NKX6-2: variants seen among roughly 807,000 people sequenced by gnomAD.
The protein encoded by NKX6-2 is NK6 homeobox 2, also known as homeobox protein Nkx-6.2.
Under a neutral mutation model 19.9 loss-of-function variants are expected in NKX6-2, and 22 were observed. The observed-to-expected ratio is 1.10, with a 90% confidence interval of 0.79 to 1.58. NKX6-2 has a LOEUF of 1.58. Among genes scored for constraint, NKX6-2 ranks in the 40% most tolerant of loss-of-function variants. The pLI is 0.00. For missense variants in NKX6-2, 475 were observed against 410.6 expected (o/e 1.16, Z -1.35); for synonymous variants, 257 against 204.0 (o/e 1.26, Z -2.21).
In NKX6-2 at chr10:132,785,358, G is replaced by C. The variant is rs1375888398; in HGVS notation, c.501C>G (p.Phe167Leu). The change falls in exon 2 of 3, where the codon TTC becomes TTG. Residue 167 changes from phenylalanine (F) to leucine (L), a missense_variant. By Grantham distance (22) the Phe-to-Leu change is conservative (BLOSUM62 0). Transcript: ENST00000368592. The surrounding 1 kb of genome is among the most constrained non-coding windows in gnomAD (Gnocchi z 5.5). The part of the protein sequence containing the change: ...GQQIFALEKT[F>L]EQTKYLAGPE... Reference sequence around the variant, plus strand: ...GGCCCGCCAGGTACTTGGTCTGCTCGAAGGTTTTCTCCAGCGCGAAGATCT... The same window carrying C: ...GGCCCGCCAGGTACTTGGTCTGCTCCAAGGTTTTCTCCAGCGCGAAGATCT... 1.2e-6 allele frequency: 2 copies of C among 1,606,112 alleles called. No homozygotes were observed. Among genetic ancestry groups the C allele is most frequent in the Admixed American group, 1.7e-5 (1 of 59,620 alleles).
In NKX6-2 at chr10:132,785,257, C is replaced by A; in HGVS notation, c.579+23G>T. On this transcript the variant is annotated intron_variant, in intron 2 of 2. Coordinates refer to ENST00000368592, the MANE Select transcript of NKX6-2 (RefSeq NM_177400.3). This position sits in a 1 kb window ranked among gnomAD's most constrained non-coding sequence, Gnocchi z 5.5. ...CAGGACGCGGGCCCCCGGCTCTGCT[C>A]TCCCGAGCCCCGCCGCGCTCACCTT... 6.3e-7 allele frequency: 1 copy of A among 1,596,766 alleles called. No homozygotes were observed.
At position 132,784,742 on chromosome 10, in the gene NKX6-2, G is replaced by A; in HGVS notation, c.*174C>T. 1.7e-6 allele frequency: 1 copy of A among 605,522 alleles called. No individual in the cohort carries two copies. The highest frequency in any genetic ancestry group is 3.2e-5 in the Admixed American group (1 of 31,224). 37.5% of individuals were successfully genotyped at this position (605,522 alleles called of 1,614,324 possible). ...GCGCAGGGGCGAAGCCGGGGCCGGG[G>A]AGGGGCCGCCTCGCTCCGGGTTCGA... On this transcript the variant is annotated 3_prime_UTR_variant, in exon 3 of 3. Coordinates refer to ENST00000368592, the MANE Select transcript of NKX6-2 (RefSeq NM_177400.3).
Position 132,784,818 on chromosome 10 carries a change from C to A in NKX6-2, c.*98G>T, listed in dbSNP as rs1847229171. 2.3e-6 allele frequency: 2 copies of A among 883,674 alleles called. No individual in the cohort carries two copies. Among genetic ancestry groups the A allele is most frequent in the South Asian group, 1.6e-5 (1 of 60,904 alleles). 54.7% of individuals were successfully genotyped at this position (883,674 alleles called of 1,614,324 possible). A position where few individuals can be genotyped will look rare whatever the true frequency, so the allele number is the denominator to read the frequency against. Reference sequence around the variant, plus strand: ...TCCGGAGCGACGGCTCCGACGGGGACCCGTTAAATAATTTATTGATGATAC... The same window carrying A: ...TCCGGAGCGACGGCTCCGACGGGGAACCGTTAAATAATTTATTGATGATAC... On this transcript the variant is annotated 3_prime_UTR_variant, in exon 3 of 3. Transcript: ENST00000368592.
rs767206865 is a variant in NKX6-2, at chr10:132,785,851, G to A, written c.98C>T (p.Ala33Val). 1.3e-5 allele frequency: 18 copies of A among 1,387,780 alleles called. No homozygotes were observed. The highest frequency in any genetic ancestry group is 5.0e-5 in the Admixed American group (2 of 39,836). The allele number at this position is 1,387,780 out of a possible 1,614,324, so 86.0% of individuals were successfully genotyped here. A position where few individuals can be genotyped will look rare whatever the true frequency, so the allele number is the denominator to read the frequency against. The change falls in exon 1 of 3, where the codon GCG (alanine) becomes GTG (valine). Residue 33 changes from alanine to valine, a missense_variant. Coordinates refer to ENST00000368592, the MANE Select transcript of NKX6-2 (RefSeq NM_177400.3). The surrounding 1 kb of genome is among the most constrained non-coding windows in gnomAD (Gnocchi z 5.5). ...CTTGAAGCCGGCCGGACCCTGCAGC[G>A]CGTAGGGGAACAGCGACGTCTTCAT... ...AEMKTSLFPY[A>V]LQGPAGFKAP...
Position 132,785,687 on chromosome 10 carries a change from A to C in NKX6-2, c.262T>G (p.Ser88Ala). 8.0e-7 allele frequency: 1 copy of C among 1,251,420 alleles called. No homozygotes were observed. The highest frequency in any genetic ancestry group is 1.0e-6 in the Non-Finnish European group (1 of 999,724). The allele number at this position is 1,251,420 out of a possible 1,614,324, so 77.5% of individuals were successfully genotyped here. A position where few individuals can be genotyped will look rare whatever the true frequency, so the allele number is the denominator to read the frequency against. ...GLPRLNGLAS[S>A]AGVYFGPAAA... ...GCGGGCCCGAAGTAAACGCCGGCGG[A>C]CGACGCGAGCCCGTTGAGCCGGGGC... Residue 88 changes from serine to alanine, a missense_variant, in exon 1 of 3, where the codon TCC becomes GCC. Transcript: ENST00000368592. The surrounding 1 kb of genome is among the most constrained non-coding windows in gnomAD (Gnocchi z 5.5).
rs1847230580 is a variant in NKX6-2, at chr10:132,784,907, C to T, written c.*9G>A. 1 of 1,609,636 alleles carries T rather than the reference C, an allele frequency of 6.2e-7. No homozygotes were observed. The highest frequency in any genetic ancestry group is 8.5e-7 in the Non-Finnish European group (1 of 1,177,952). On this transcript the variant is annotated 3_prime_UTR_variant, in exon 3 of 3. Transcript: ENST00000368592. ...TGCAAAAATAGATTCGCCCCCACCC[C>T]GCGGGTCCTCACAAGGCGTCCCCCG...
rs945710177 is a variant in NKX6-2, at chr10:132,783,907, G to C, written c.*1009C>G. ...CCTTTAACGCTTCCGCAAATGCCAAGAGAAATCGTACCACCGCAGTGATAT... is the reference window on the plus strand; with the variant it reads ...CCTTTAACGCTTCCGCAAATGCCAACAGAAATCGTACCACCGCAGTGATAT... On this transcript the variant is annotated 3_prime_UTR_variant, in exon 3 of 3. Transcript: ENST00000368592. The C allele has an allele frequency of 6.6e-6, 1 of 152,200 alleles. No individual in the cohort carries two copies. The highest frequency in any genetic ancestry group is 1.5e-5 in the Non-Finnish European group (1 of 68,036). 9.4% of individuals were successfully genotyped at this position (152,200 alleles called of 1,614,324 possible).
rs1201902061 is a variant in NKX6-2 at position 132,786,000 on chromosome 10, C to G, written c.-52G>C. The G allele has an allele frequency of 1.3e-5, 6 of 474,646 alleles. No individual in the cohort carries two copies. The highest frequency in any genetic ancestry group is 1.8e-5 in the Non-Finnish European group (6 of 332,304). The allele number at this position is 474,646 out of a possible 1,614,324, so 29.4% of individuals were successfully genotyped here. A position where few individuals can be genotyped will look rare whatever the true frequency, so the allele number is the denominator to read the frequency against. On this transcript the variant is annotated 5_prime_UTR_variant, in exon 1 of 3. Transcript: ENST00000368592. The surrounding 1 kb of genome is among the most constrained non-coding windows in gnomAD (Gnocchi z 5.5). ...CCCATCCGGGCCCCGCCGCCGCCGC[C>G]CCTGCCCGCCGGCCCGGGAAGTTTG...
Position 132,784,929 on chromosome 10 carries a change from C to G in NKX6-2, c.821G>C (p.Gly274Ala). 6.2e-7 allele frequency: 1 copy of G among 1,612,088 alleles called. No homozygotes were observed. The highest frequency in any genetic ancestry group is 1.3e-5 in the African/African-American group (1 of 75,046). The change falls in exon 3 of 3, where the codon GGG becomes GCG. Residue 274 changes from glycine (G) to alanine (A), a missense_variant. Coordinates refer to ENST00000368592, the MANE Select transcript of NKX6-2 (RefSeq NM_177400.3). ...ALVSPCGGGA[G>A]DAL ...CCCCGCGGGTCCTCACAAGGCGTCC[C>G]CCGCGCCGCCGCCGCACGGGCTGAC...
Position 132,784,825 on chromosome 10 carries a change from A to C in NKX6-2, c.*91T>G. ...CGACGGCTCCGACGGGGACCCGTTAAATAATTTATTGATGATACAAAGCGA... is the reference window on the plus strand; with the variant it reads ...CGACGGCTCCGACGGGGACCCGTTACATAATTTATTGATGATACAAAGCGA... On this transcript the variant is annotated 3_prime_UTR_variant, in exon 3 of 3. Transcript: ENST00000368592. The C allele has an allele frequency of 1.0e-6, 1 of 968,414 alleles. No homozygotes were observed. The highest frequency in any genetic ancestry group is 1.5e-5 in the South Asian group (1 of 64,866). The allele number at this position is 968,414 out of a possible 1,614,324, so 60.0% of individuals were successfully genotyped here. A position where few individuals can be genotyped will look rare whatever the true frequency, so the allele number is the denominator to read the frequency against.
At position 132,784,007 on chromosome 10, in the gene NKX6-2, G is replaced by A. The variant is rs1458262680; in HGVS notation, c.*909C>T. 6.6e-6 allele frequency: 1 copy of A among 152,230 alleles called. No individual in the cohort carries two copies. The highest frequency in any genetic ancestry group is 2.4e-5 in the African/African-American group (1 of 41,466). 9.4% of individuals were successfully genotyped at this position (152,230 alleles called of 1,614,324 possible). On this transcript the variant is annotated 3_prime_UTR_variant, in exon 3 of 3. Coordinates refer to ENST00000368592, the MANE Select transcript of NKX6-2 (RefSeq NM_177400.3). ...TTAAGATGCAGCGATGGGCAGCCCC[G>A]GCCACAGAGGCTGCGGGAGGCTGGA...
At position 132,784,819 on chromosome 10, in the gene NKX6-2, C is replaced by A. The variant is rs886612992; in HGVS notation, c.*97G>T. ...CCGGAGCGACGGCTCCGACGGGGAC[C>A]CGTTAAATAATTTATTGATGATACA... On this transcript the variant is annotated 3_prime_UTR_variant, in exon 3 of 3. Transcript: ENST00000368592. The A allele has an allele frequency of 3.3e-6, 3 of 895,890 alleles. No individual in the cohort carries two copies. Among genetic ancestry groups the A allele is most frequent in the East Asian group, 5.3e-5 (2 of 37,612 alleles). 55.5% of individuals were successfully genotyped at this position (895,890 alleles called of 1,614,324 possible).
chr10:132,785,930 C>A lies in NKX6-2; in HGVS notation c.19G>T (p.Gly7Cys). The A allele has an allele frequency of 7.7e-7, 1 of 1,299,104 alleles. No individual in the cohort carries two copies. Among genetic ancestry groups the A allele is most frequent in the South Asian group, 1.8e-5 (1 of 55,886 alleles). 80.5% of individuals were successfully genotyped at this position (1,299,104 alleles called of 1,614,324 possible). A position where few individuals can be genotyped will look rare whatever the true frequency, so the allele number is the denominator to read the frequency against. The stretch of plus-strand genomic sequence containing the variant: ...GGGGCACTGCTCAGCACGAACGCGC[C>A]CGGGCGGTTAGTGTCCATGGGCGCC... Reference protein sequence around the residue: MDTNRPGAFVLSSAPLA... With the variant: MDTNRPCAFVLSSAPLA... The change falls in exon 1 of 3, where the codon GGC becomes TGC. Residue 7 changes from glycine (G) to cysteine (C), a missense_variant. Gly to Cys is a radical substitution (Grantham distance 159). Coordinates refer to ENST00000368592, the MANE Select transcript of NKX6-2 (RefSeq NM_177400.3). This position sits in a 1 kb window ranked among gnomAD's most constrained non-coding sequence, Gnocchi z 5.5.
Position 132,784,739 on chromosome 10 carries a change from G to T in NKX6-2, c.*177C>A, listed in dbSNP as rs1389485525. 3 of 599,092 alleles carry T rather than the reference G, an allele frequency of 5.0e-6. No homozygotes were observed. The highest frequency in any genetic ancestry group is 8.6e-6 in the Non-Finnish European group (3 of 350,298). The allele number at this position is 599,092 out of a possible 1,614,324, so 37.1% of individuals were successfully genotyped here. ...CGGGCGCAGGGGCGAAGCCGGGGCCGGGGAGGGGCCGCCTCGCTCCGGGTT... is the reference window on the plus strand; with the variant it reads ...CGGGCGCAGGGGCGAAGCCGGGGCCTGGGAGGGGCCGCCTCGCTCCGGGTT... On this transcript the variant is annotated 3_prime_UTR_variant, in exon 3 of 3. Transcript: ENST00000368592.
chr10:132,785,631 G>T lies in NKX6-2; in HGVS notation c.318C>A (p.Pro106=). 1 of 1,241,012 alleles carries T rather than the reference G, an allele frequency of 8.1e-7. No individual in the cohort carries two copies. The highest frequency in any genetic ancestry group is 1.0e-6 in the Non-Finnish European group (1 of 995,568). 76.9% of individuals were successfully genotyped at this position (1,241,012 alleles called of 1,614,324 possible). The change falls in exon 1 of 3, where the codon CCC becomes CCA. Residue 106 remains proline, a synonymous_variant. Coordinates refer to ENST00000368592, the MANE Select transcript of NKX6-2 (RefSeq NM_177400.3). This position sits in a 1 kb window ranked among gnomAD's most constrained non-coding sequence, Gnocchi z 5.5. The stretch of plus-strand genomic sequence containing the variant: ...GCGGGCGCCCCGGCAGCTCGGCCAG[G>T]GGCTTGGGGTAGCCGCGCGCCACAG... ...AAAVARGYPK[P]LAELPGRPPI...
rs1189853617 is a variant in NKX6-2, at chr10:132,784,644, C to T, written c.*272G>A. ...TCCCGCGGGCCGGGCCCCTTCCCTGCGCCTTCGCCGCCTCCTCGCGCCTGC... is the reference window on the plus strand; with the variant it reads ...TCCCGCGGGCCGGGCCCCTTCCCTGTGCCTTCGCCGCCTCCTCGCGCCTGC... On this transcript the variant is annotated 3_prime_UTR_variant, in exon 3 of 3. Transcript: ENST00000368592. 1 of 430,758 alleles carries T rather than the reference C, an allele frequency of 2.3e-6. No homozygotes were observed. Among genetic ancestry groups the T allele is most frequent in the South Asian group, 3.7e-5 (1 of 27,238 alleles). The allele number at this position is 430,758 out of a possible 1,614,324, so 26.7% of individuals were successfully genotyped here.
chr10:132,785,017 T>C lies in NKX6-2; in HGVS notation c.733A>G (p.Asn245Asp), dbSNP rs1847233371. 1 of 1,610,994 alleles carries C rather than the reference T, an allele frequency of 6.2e-7. No individual in the cohort carries two copies. The highest frequency in any genetic ancestry group is 1.1e-5 in the South Asian group (1 of 91,048). Residue 245 changes from asparagine (N) to aspartate (D), a missense_variant, in exon 3 of 3, where the codon AAC (asparagine) becomes GAC (aspartate). Coordinates refer to ENST00000368592, the MANE Select transcript of NKX6-2 (RefSeq NM_177400.3). This position sits in a 1 kb window ranked among gnomAD's most constrained non-coding sequence, Gnocchi z 5.5. ...CGCGTGATCTTCTCGTCGTCCGAGTTGGGGTCCAGGGGCCGGTTGTATTCG... is the reference window on the plus strand; with the variant it reads ...CGCGTGATCTTCTCGTCGTCCGAGTCGGGGTCCAGGGGCCGGTTGTATTCG... Reference protein sequence around the residue: ...DDEYNRPLDPNSDDEKITRLL... With the variant: ...DDEYNRPLDPDSDDEKITRLL...
At position 132,783,849 on chromosome 10, in the gene NKX6-2, C is replaced by G. The variant is rs1326448300; in HGVS notation, c.*1067G>C. ...AAAGAAGGCTGCTAAGAGCCTAAAA[C>G]AAAACGCGCCGAGTTTAAGCCCTTT... On this transcript the variant is annotated 3_prime_UTR_variant, in exon 3 of 3. Coordinates refer to ENST00000368592, the MANE Select transcript of NKX6-2 (RefSeq NM_177400.3). The G allele has an allele frequency of 6.6e-6, 1 of 152,262 alleles. No individual in the cohort carries two copies. Among genetic ancestry groups the G allele is most frequent in the African/African-American group, 2.4e-5 (1 of 41,472 alleles). The allele number at this position is 152,262 out of a possible 1,614,324, so 9.4% of individuals were successfully genotyped here.
In NKX6-2 at chr10:132,785,852, C is replaced by A; in HGVS notation, c.97G>T (p.Ala33Ser). The A allele has an allele frequency of 7.2e-7, 1 of 1,387,638 alleles. No homozygotes were observed. The highest frequency in any genetic ancestry group is 9.5e-7 in the Non-Finnish European group (1 of 1,055,836). The allele number at this position is 1,387,638 out of a possible 1,614,324, so 86.0% of individuals were successfully genotyped here. Residue 33 changes from alanine to serine, a missense_variant, in exon 1 of 3, where the codon GCG (alanine) becomes TCG (serine). By Grantham distance (99) the Ala-to-Ser change is moderately conservative (BLOSUM62 1). Transcript: ENST00000368592. This position sits in a 1 kb window ranked among gnomAD's most constrained non-coding sequence, Gnocchi z 5.5. ...TTGAAGCCGGCCGGACCCTGCAGCG[C>A]GTAGGGGAACAGCGACGTCTTCATC... Reference protein sequence around the residue: ...AEMKTSLFPYALQGPAGFKAP... With the variant: ...AEMKTSLFPYSLQGPAGFKAP...
Sources: gnomAD v4.1 joint callset for allele counts on GRCh38, gnomAD v4.1.1 for gene constraint, Gnocchi (gnomAD v3.1) non-coding constraint, MANE v1.5 for transcripts, NCBI Gene and HGNC (gene_info 2026-07-23, HGNC 2026-07-21) for gene names.